ACSM5: variants seen among roughly 807,000 people sequenced by gnomAD.
ACSM5 encodes the protein acyl-coenzyme A synthetase ACSM5, mitochondrial.
Under a neutral mutation model 71.6 loss-of-function variants are expected in ACSM5, and 56 were observed. The ratio of observed to expected loss-of-function variants is 0.78; its 90% CI spans 0.63 to 0.98. The LOEUF (loss-of-function observed/expected upper bound fraction) is 0.98, where lower values mean the gene tolerates loss of function less well. Among genes scored for constraint, ACSM5 ranks in the 50% least tolerant of loss-of-function variants. ACSM5 has a pLI of 0.00. For missense variants in ACSM5, 723 were observed against 726.0 expected (o/e 1.00, Z 0.05); for synonymous variants, 285 against 281.5 (o/e 1.01, Z -0.12).
chr16:20,417,233 C>T (rs1333662019), intron 2 of ACSM5, among the ~76,000 whole-genome samples: 3 of 152,066 alleles, frequency 2.0e-5, no homozygotes, highest in Non-Finnish European at 4.4e-5. Flanking sequence ...AACATGTGCT[C>T]ACAGAAAAAC....
intron 2 of ACSM5, 51 bp downstream of exon 2, chr16:20,411,739 C>T (rs1966848233): frequency 6.4e-7 from 1 of 1,555,372 alleles, no homozygotes; most frequent in Non-Finnish European, 8.9e-7. Context: ...AGGCTGCCCT[C>T]ATGTACCACA....
intron 10 of ACSM5, among the ~76,000 whole-genome samples, chr16:20,433,156 C>G (rs1398923704): frequency 6.6e-6 from 1 of 152,090 alleles, no homozygotes; most frequent in East Asian, 1.9e-4. Context: ...CCACAGTGCC[C>G]GGCCCAGCTC....
chr16:20,426,540 G>T (rs1298283758), intron 6 of ACSM5, among the ~76,000 whole-genome samples: 2 of 152,194 alleles, frequency 1.3e-5, no homozygotes, highest in Non-Finnish European at 2.9e-5. Flanking sequence ...TAAACAAAAT[G>T]TGGTGTATAT....
intron 10 of ACSM5, among the ~76,000 whole-genome samples, chr16:20,434,659 A>G (rs1025824078): frequency 6.6e-6 from 1 of 152,192 alleles, no homozygotes; most frequent in Non-Finnish European, 1.5e-5. Flanking sequence ...ACACCACTGC[A>G]CTCCAGCCTG....
At chr16:20,414,407 G>T (rs1023159171) in intron 2 of ACSM5, among the ~76,000 whole-genome samples, 1 of 152,136 alleles carries the variant, frequency 6.6e-6, no homozygotes, top group Non-Finnish European at 1.5e-5. Context: ...AGTGATGTGG[G>T]GCCACGATCC....
At chr16:20,425,913 T>C (rs1365612827) in intron 6 of ACSM5, among the ~76,000 whole-genome samples, 1 of 152,204 alleles carries the variant, frequency 6.6e-6, no homozygotes, top group Non-Finnish European at 1.5e-5. Flanking sequence ...AGTATCTTTT[T>C]CATATGACTT....
chr16:20,421,505 A>G (rs1253303767), intron 5 of ACSM5, 104 bp downstream of exon 5: 25 of 1,164,076 alleles, frequency 2.1e-5, no homozygotes, highest in Non-Finnish European at 2.5e-5. Flanking sequence ...TCAGAGAGCC[A>G]ACAGAATTAC....
chr16:20,424,478 A>T (rs1966938556), intron 6 of ACSM5, among the ~76,000 whole-genome samples: 1 of 152,152 alleles, frequency 6.6e-6, no homozygotes, highest in African/African-American at 2.4e-5. Flanking sequence ...TCAGCCTCTC[A>T]GGGTCTTCTC....
rs7192210 is a variant in ACSM5 at position 20,419,356 on chromosome 16, G to T, written c.544G>T (p.Glu182Ter). 4.3e-6 allele frequency: 7 copies of T among 1,614,032 alleles called. No individual in the cohort carries two copies. Among genetic ancestry groups the T allele is most frequent in the South Asian group, 1.1e-5 (1 of 91,078 alleles). Residue 182 changes from glutamate (E) to a stop codon, truncating the protein, a stop_gained, in exon 4 of 14, where the codon GAA becomes TAA. Coordinates refer to ENST00000331849, the MANE Select transcript of ACSM5 (RefSeq NM_017888.3). LOFTEE classifies it high-confidence loss of function. ...TCCAAGGGTGGATGCCATCAGTGCC[G>T]AATGCCCCTCCCTCCAGACCAAGCT... ...LAPRVDAISAECPSLQTKLLV... is the reference protein window; with the variant it reads ...LAPRVDAISA
In ACSM5 at chr16:20,431,566, GT is replaced by G. The variant is rs11297710; in HGVS notation, c.1308+246del. Among the ~76,000 whole-genome samples the G allele has an allele frequency of 6.0e-3, 907 of 152,250 alleles. 6 individuals are homozygous for G. The highest frequency in any genetic ancestry group is 0.021 in the African/African-American group (869 of 41,534). On this transcript the variant is annotated intron_variant, in intron 10 of 13. Coordinates refer to ENST00000331849, the MANE Select transcript of ACSM5 (RefSeq NM_017888.3). ...GGCAGGACATGGGATTTAAATGTGG[GT>G]GTGTCTGAAAGCGTAAACATGACAT...
intron 6 of ACSM5, among the ~76,000 whole-genome samples, chr16:20,425,211 A>C (rs1396736622): frequency 1.3e-5 from 2 of 152,038 alleles, no homozygotes; most frequent in African/African-American, 4.8e-5. Flanking sequence ...AATTGTTTTG[A>C]CTTTTAAATC....
At chr16:20,420,859 C>T (rs1051595185) in intron 4 of ACSM5, among the ~76,000 whole-genome samples, 2 of 152,138 alleles carry the variant, frequency 1.3e-5, no homozygotes, top group African/African-American at 4.8e-5. Flanking sequence ...TGGGAATTAC[C>T]TAGATCTCAA....
intron 7 of ACSM5, among the ~76,000 whole-genome samples, chr16:20,428,477 G>A (rs1967032071): frequency 6.6e-6 from 1 of 152,154 alleles, no homozygotes; most frequent in African/African-American, 2.4e-5. Context: ...AGCAGAACAG[G>A]GCTGGTTGCT....
rs558864367 is a variant in ACSM5 at position 20,421,328 on chromosome 16, G to A, written c.694G>A (p.Gly232Arg). 21 of 1,609,904 alleles carry A rather than the reference G, an allele frequency of 1.3e-5. No homozygotes were observed. The highest frequency in any genetic ancestry group is 4.0e-5 in the African/African-American group (3 of 74,830). ...RDPLAIYFTSGTTGAPKMVEH... is the reference protein window; with the variant it reads ...RDPLAIYFTSRTTGAPKMVEH... ...CCCGCTGGCCATCTACTTTACCAGCGGAACCACCGGGGCCCCCAAGATGGT... is the reference window on the plus strand; with the variant it reads ...CCCGCTGGCCATCTACTTTACCAGCAGAACCACCGGGGCCCCCAAGATGGT... Residue 232 changes from glycine to arginine, a missense_variant, in exon 5 of 14, where the codon GGA (glycine) becomes AGA (arginine). Coordinates refer to ENST00000331849, the MANE Select transcript of ACSM5 (RefSeq NM_017888.3).
chr16:20,414,443 C>G (rs564732489), intron 2 of ACSM5, among the ~76,000 whole-genome samples: 12 of 152,296 alleles, frequency 7.9e-5, no homozygotes, highest in African/African-American at 2.9e-4. Flanking sequence ...CCTCTGAAAA[C>G]TAGAAAATGC....
chr16:20,424,096 A>G (rs892719187), intron 6 of ACSM5, 27 bp downstream of exon 6: 5 of 1,612,352 alleles, frequency 3.1e-6, no homozygotes, highest in South Asian at 1.1e-5. Flanking sequence ...ACAATACCCC[A>G]TATGTGTTGG....
intron 10 of ACSM5, 60 bp from the exon 11 acceptor site, chr16:20,436,992 A>G: frequency 1.3e-6 from 2 of 1,574,474 alleles, no homozygotes; most frequent in Non-Finnish European, 1.7e-6. Flanking sequence ...CTACTGGGGC[A>G]GTAACTGGCC....
rs2141659330 is a variant in ACSM5 at position 20,433,949 on chromosome 16, T to C, written c.1308+2628T>C. ...GCCTCAGCCCACCAAAATGCTATGA[T>C]TACAGGCATGAGCCACCACTCCCAG... is the stretch of plus-strand genomic sequence containing the variant. On this transcript the variant is annotated intron_variant, in intron 10 of 13. Coordinates refer to ENST00000331849, the MANE Select transcript of ACSM5 (RefSeq NM_017888.3). Among the ~76,000 whole-genome samples, 2 of 152,172 alleles carry C rather than the reference T, an allele frequency of 1.3e-5. 1 individual carries two copies. The highest frequency in any genetic ancestry group is 6.8e-3 in the Middle Eastern group (2 of 294).
rs112497504 is a variant in ACSM5 at position 20,431,209 on chromosome 16, T to G, written c.1207-11T>G. The G allele has an allele frequency of 3.7e-6, 6 of 1,612,866 alleles. No homozygotes were observed. Among genetic ancestry groups the G allele is most frequent in the East Asian group, 4.5e-5 (2 of 44,868 alleles). On this transcript the variant is annotated splice_polypyrimidine_tract_variant and intron_variant, in intron 9 of 13. Coordinates refer to ENST00000331849, the MANE Select transcript of ACSM5 (RefSeq NM_017888.3). ...CTCACGTATGCACCTCTGTGATGATTTCCTTACCAGATTGTGGATGATGAG... is the reference window on the plus strand; with the variant it reads ...CTCACGTATGCACCTCTGTGATGATGTCCTTACCAGATTGTGGATGATGAG...
Sources: allele counts gnomAD v4.1 joint callset (sites outside exome capture counted in the v4.1 genomes callset), GRCh38; gene constraint gnomAD v4.1.1; transcripts MANE v1.5; gene names NCBI Gene and HGNC (gene_info 2026-07-23, HGNC 2026-07-21).